ACVR2B: variants seen among roughly 807,000 people sequenced by gnomAD.
ACVR2B encodes the protein activin A receptor type 2B, also known as activin receptor type-2B.
Under a neutral mutation model 65.1 loss-of-function variants are expected in ACVR2B, and 18 were observed. The observed-to-expected ratio is 0.28, with a 90% confidence interval of 0.19 to 0.41. The LOEUF (loss-of-function observed/expected upper bound fraction) is 0.41, where lower values mean the gene tolerates loss of function less well. ACVR2B is among the 10% of genes least tolerant of loss of function. ACVR2B has a pLI of 1.00. For missense variants in ACVR2B, 482 were observed against 682.7 expected, an observed-to-expected ratio of 0.71 and a Z score of 3.28; for synonymous variants, 298 against 277.7, an observed-to-expected ratio of 1.07 and a Z score of -0.73.
rs879546158 is a variant in ACVR2B, at chr3:38,454,502, C to T, written c.52+128C>T. 13 of 855,436 alleles carry T rather than the reference C, an allele frequency of 1.5e-5. 1 individual carries two copies. Among genetic ancestry groups the T allele is most frequent in the South Asian group, 5.8e-5 (1 of 17,132 alleles). The allele number at this position is 855,436 out of a possible 1,614,324, so 53.0% of individuals were successfully genotyped here. On this transcript the variant is annotated intron_variant, in intron 1 of 10. Coordinates refer to ENST00000352511, the MANE Select transcript of ACVR2B (RefSeq NM_001106.4). ...CCGCACCACCTGTATTCAGCCCTCA[C>T]CTCCGGGGGCGTGGGCTGGGGGCGC... is the stretch of plus-strand genomic sequence containing the variant.
At chr3:38,471,648 G>A (rs1709820167) in intron 1 of ACVR2B, among the ~76,000 whole-genome samples, 1 of 152,156 alleles carries the variant, frequency 6.6e-6, no homozygotes, top group South Asian at 2.1e-4. Context: ...TGCACTTCAG[G>A]GCTGCAGGAG....
intron 1 of ACVR2B, among the ~76,000 whole-genome samples, chr3:38,472,658 T>A (rs1559650688): frequency 6.6e-6 from 1 of 152,114 alleles, no homozygotes; most frequent in Non-Finnish European, 1.5e-5. Context: ...TGAGCAGTGG[T>A]TCTGCTGGCT....
At chr3:38,461,583 C>G (rs1372814829) in intron 1 of ACVR2B, among the ~76,000 whole-genome samples, 1 of 152,132 alleles carries the variant, frequency 6.6e-6, no homozygotes, top group African/African-American at 2.4e-5. Flanking sequence ...CAATGTAGTC[C>G]TATCTCCCCT....
intron 1 of ACVR2B, among the ~76,000 whole-genome samples, chr3:38,457,442 A>G (rs1185919950): frequency 6.6e-6 from 1 of 152,214 alleles, no homozygotes; most frequent in Non-Finnish European, 1.5e-5. Flanking sequence ...ATGGTGTAAT[A>G]AATGTCACAT....
intron 1 of ACVR2B, among the ~76,000 whole-genome samples, chr3:38,471,037 A>AT (rs1186454062): frequency 1.3e-5 from 2 of 152,202 alleles, no homozygotes; most frequent in East Asian, 1.9e-4. Flanking sequence ...AGAGAGAAAG[A>AT]TTTTTTGTTT....
rs1709934708 is a variant in ACVR2B, at chr3:38,477,597, A to G, written c.260+103A>G. 7.4e-7 allele frequency: 1 copy of G among 1,354,330 alleles called. No homozygotes were observed. The highest frequency in any genetic ancestry group is 1.9e-5 in the Admixed American group (1 of 51,422). The allele number at this position is 1,354,330 out of a possible 1,614,324, so 83.9% of individuals were successfully genotyped here. A position where few individuals can be genotyped will look rare whatever the true frequency, so the allele number is the denominator to read the frequency against. Reference sequence around the variant, plus strand: ...ATGTCTGAGTGGGAGATAAAGGACCAAGAAGGGGCTCTTGAGATGGTAGCC... The same window carrying G: ...ATGTCTGAGTGGGAGATAAAGGACCGAGAAGGGGCTCTTGAGATGGTAGCC... On this transcript the variant is annotated intron_variant, in intron 2 of 10. Coordinates refer to ENST00000352511, the MANE Select transcript of ACVR2B (RefSeq NM_001106.4). This position sits in a 1 kb window ranked among gnomAD's most constrained non-coding sequence, Gnocchi z 6.7.
rs1447397149 is a variant in ACVR2B, at chr3:38,478,309, T to C, written c.522+17T>C. 1 of 1,613,734 alleles carries C rather than the reference T, an allele frequency of 6.2e-7. No individual in the cohort carries two copies. The highest frequency in any genetic ancestry group is 1.3e-5 in the African/African-American group (1 of 74,812). ...ATCCATGAGGTGAGACAGTGCTGGC[T>C]TGGGGCAGGGCAGGATAGAGGTGGG... On this transcript the variant is annotated intron_variant, in intron 4 of 10. Transcript: ENST00000352511.
rs770499421 is a variant in ACVR2B, at chr3:38,484,114, A to G, written c.*782A>G. On this transcript the variant is annotated 3_prime_UTR_variant, in exon 11 of 11. Coordinates refer to ENST00000352511, the MANE Select transcript of ACVR2B (RefSeq NM_001106.4). Reference sequence around the variant, plus strand: ...CTTGTGGAGGCCGAGCATTAACAGCAAGAGCGGGGTTTGGAGAAAGTCTGA... The same window carrying G: ...CTTGTGGAGGCCGAGCATTAACAGCGAGAGCGGGGTTTGGAGAAAGTCTGA... The G allele has an allele frequency of 6.6e-6, 1 of 152,650 alleles. No homozygotes were observed. The highest frequency in any genetic ancestry group is 6.5e-5 in the Admixed American group (1 of 15,274). 9.5% of individuals were successfully genotyped at this position (152,650 alleles called of 1,614,324 possible). A position where few individuals can be genotyped will look rare whatever the true frequency, so the allele number is the denominator to read the frequency against.
At chr3:38,465,069 C>A (rs569808241) in intron 1 of ACVR2B, among the ~76,000 whole-genome samples, 2 of 152,096 alleles carry the variant, frequency 1.3e-5, no homozygotes, top group East Asian at 3.9e-4. Flanking sequence ...ACCTGGATGA[C>A]CTCCAGGTTG....
At chr3:38,482,991 G>A in intron 10 of ACVR2B, 147 bp from the exon 11 acceptor site, 1 of 898,570 alleles carries the variant, frequency 1.1e-6, no homozygotes, top group Non-Finnish European at 1.8e-6. Flanking sequence ...GTTTTCCCCA[G>A]GCCTCTGCTG....
At chr3:38,478,777 G>A (rs1015440298) in intron 5 of ACVR2B, among the ~76,000 whole-genome samples, 2 of 152,082 alleles carry the variant, frequency 1.3e-5, no homozygotes, top group African/African-American at 4.8e-5. Flanking sequence ...TTTTGACATT[G>A]GGTTCTTTCC....
rs777322779 is a variant in ACVR2B, at chr3:38,454,302, C to T, written c.-21C>T. ...GCCCTGCCCGCGGGCTCCGGGTGTGCGCGGGGCGGCGCCGCGGAACATGAC... is the reference window on the plus strand; with the variant it reads ...GCCCTGCCCGCGGGCTCCGGGTGTGTGCGGGGCGGCGCCGCGGAACATGAC... On this transcript the variant is annotated 5_prime_UTR_variant, in exon 1 of 11. Coordinates refer to ENST00000352511, the MANE Select transcript of ACVR2B (RefSeq NM_001106.4). The T allele has an allele frequency of 7.7e-5, 97 of 1,266,972 alleles. 1 individual carries two copies. The South Asian group carries it at 2.4e-3, about 31-fold the overall frequency. 78.5% of individuals were successfully genotyped at this position (1,266,972 alleles called of 1,614,324 possible).
At chr3:38,462,703 A>G (rs1031101909) in intron 1 of ACVR2B, among the ~76,000 whole-genome samples, 1 of 152,230 alleles carries the variant, frequency 6.6e-6, no homozygotes, top group South Asian at 2.1e-4. Flanking sequence ...TAAAGTTTAA[A>G]TATAGACTAC....
chr3:38,469,913 GT>G (rs954840269), intron 1 of ACVR2B, among the ~76,000 whole-genome samples: 8 of 151,600 alleles, frequency 5.3e-5, no homozygotes, highest in South Asian at 2.1e-4. Context: ...TGACCAGGAA[GT>G]TTTTTTTTAA....
At chr3:38,472,535 TCCTTCTCACCTGGTGAGTGGCAC>T (rs1482687020) in intron 1 of ACVR2B, among the ~76,000 whole-genome samples, 6 of 151,354 alleles carry the variant, frequency 4.0e-5, no homozygotes, top group South Asian at 4.2e-4. Flanking sequence ...TGAGTGGCAC[TCCTTCTCACCTGGTGAGTGGCAC>T]TCCTTCTCAC....
intron 1 of ACVR2B, among the ~76,000 whole-genome samples, chr3:38,464,292 C>G (rs1709695197): frequency 6.6e-6 from 1 of 152,238 alleles, no homozygotes; most frequent in Non-Finnish European, 1.5e-5. Context: ...TGCCCATGGA[C>G]AATCTTGTCT....
intron 1 of ACVR2B, chr3:38,476,742 G>C (rs748286130): frequency 5.9e-6 from 1 of 170,928 alleles, no homozygotes; most frequent in Non-Finnish European, 1.3e-5. Flanking sequence ...AGACAGGGGT[G>C]ATTAAAAGCA....
Position 38,477,995 on chromosome 3 carries a change from G to A in ACVR2B, c.370+25G>A, listed in dbSNP as rs781238458. On this transcript the variant is annotated intron_variant, in intron 3 of 10. Transcript: ENST00000352511. This position sits in a 1 kb window ranked among gnomAD's most constrained non-coding sequence, Gnocchi z 6.7. Reference sequence around the variant, plus strand: ...GGTAAGGGGGCAGTGTGGAAGTGGGGCCTTGAGTCAGCCGACCTGGGCTTC... The same window carrying A: ...GGTAAGGGGGCAGTGTGGAAGTGGGACCTTGAGTCAGCCGACCTGGGCTTC... 5.6e-6 allele frequency: 9 copies of A among 1,612,150 alleles called. No individual in the cohort carries two copies. The African/African-American group carries it at 1.1e-4, about 19-fold the overall frequency.
In ACVR2B at chr3:38,488,492, A is replaced by G. The variant is rs1210621889; in HGVS notation, c.*5160A>G. 6.6e-6 allele frequency: 1 copy of G among 152,246 alleles called. No individual in the cohort carries two copies. The highest frequency in any genetic ancestry group is 1.5e-5 in the Non-Finnish European group (1 of 68,044). The allele number at this position is 152,246 out of a possible 1,614,324, so 9.4% of individuals were successfully genotyped here. A position where few individuals can be genotyped will look rare whatever the true frequency, so the allele number is the denominator to read the frequency against. On this transcript the variant is annotated 3_prime_UTR_variant, in exon 11 of 11. Coordinates refer to ENST00000352511, the MANE Select transcript of ACVR2B (RefSeq NM_001106.4). ...GGTGGCTCCAAAAGGCCTGCCAACA[A>G]AGAAAAGTCCAAATTATCTAGTGGG... is the stretch of plus-strand genomic sequence containing the variant.
Sources: allele counts gnomAD v4.1 joint callset (sites outside exome capture counted in the v4.1 genomes callset), GRCh38; gene constraint gnomAD v4.1.1; non-coding constraint Gnocchi (gnomAD v3.1); transcripts MANE v1.5; gene names NCBI Gene and HGNC (gene_info 2026-07-23, HGNC 2026-07-21).